MTUS2: variants seen among roughly 807,000 people sequenced by gnomAD.
The protein encoded by MTUS2 is microtubule-associated tumor suppressor candidate 2.
Under a neutral mutation model 114.1 loss-of-function variants are expected in MTUS2, and 40 were observed. The observed-to-expected ratio is 0.35, with a 90% CI of 0.27 to 0.46. The LOEUF (loss-of-function observed/expected upper bound fraction) is 0.46, where lower values mean the gene tolerates loss of function less well. Among genes scored for constraint, MTUS2 ranks in the 20% least tolerant of loss-of-function variants. MTUS2 has a pLI of 1.00. For synonymous variants in MTUS2, 688 were observed against 672.0 expected (o/e 1.02, Z -0.37); for missense variants, 1,679 against 1,705.4 (o/e 0.98, Z 0.27).
At chr13:29,436,885 C>A (rs1279186427) in intron 8 of MTUS2, among the ~76,000 whole-genome samples, 1 of 150,378 alleles carries the variant, frequency 6.6e-6, no homozygotes, top group African/African-American at 2.5e-5. Context: ...CCTAAAGCAA[C>A]AGATGGACAG....
rs180726145 is a variant in MTUS2, at chr13:29,372,168, G to A, written c.3117+12695G>A. On this transcript the variant is annotated intron_variant, in intron 8 of 15. Coordinates refer to ENST00000612955, the MANE Select transcript of MTUS2 (RefSeq NM_001033602.4). ...AGCTGGCTGGGGAAAGACTTCACGAGGGTCCCCTGCCTCCAAATCTAGTGT... is the reference window on the plus strand; with the variant it reads ...AGCTGGCTGGGGAAAGACTTCACGAAGGTCCCCTGCCTCCAAATCTAGTGT... 2.6e-5 allele frequency among the ~76,000 whole-genome samples: 4 copies of A among 151,180 alleles called. No homozygotes were observed. The Admixed American group carries it at 2.7e-4, about 10-fold the overall frequency.
chr13:28,841,824 T>C (rs1358692757), intron 2 of MTUS2, among the ~76,000 whole-genome samples: 1 of 152,100 alleles, frequency 6.6e-6, no homozygotes, highest in Non-Finnish European at 1.5e-5. Context: ...GCAGCTGGGA[T>C]TACAGATGCG....
At chr13:29,062,767 C>T (rs1473387118) in intron 4 of MTUS2, among the ~76,000 whole-genome samples, 3 of 152,090 alleles carry the variant, frequency 2.0e-5, no homozygotes, top group East Asian at 1.9e-4. Context: ...ACTGGACATG[C>T]AAGAAATACA....
intron 8 of MTUS2, among the ~76,000 whole-genome samples, chr13:29,425,812 AGTGCCCTCT>A (rs1348038930): frequency 2.0e-5 from 3 of 152,198 alleles, no homozygotes; most frequent in Non-Finnish European, 2.9e-5. Context: ...CGTGCCCTTC[AGTGCCCTCT>A]GTGCCCAAGA....
At chr13:29,233,536 A>T (rs1289167294) in intron 5 of MTUS2, among the ~76,000 whole-genome samples, 5 of 152,346 alleles carry the variant, frequency 3.3e-5, no homozygotes, top group Non-Finnish European at 7.3e-5. Context: ...TTTTATTACC[A>T]CTGGTAGTTA....
chr13:29,263,935 C>T (rs1243373612), intron 5 of MTUS2, among the ~76,000 whole-genome samples: 1 of 152,186 alleles, frequency 6.6e-6, no homozygotes, highest in Non-Finnish European at 1.5e-5. Context: ...ATATAATTAT[C>T]CCCTGCACAT....
At chr13:29,075,994 TACCTGGAA>T (rs1303629246) in intron 4 of MTUS2, among the ~76,000 whole-genome samples, 3 of 152,206 alleles carry the variant, frequency 2.0e-5, no homozygotes, top group Non-Finnish European at 4.4e-5. Flanking sequence ...TTCAAAACTC[TACCTGGAA>T]ATCTGGAAAT....
chr13:28,837,847 A>T (rs1321187182), intron 1 of MTUS2, among the ~76,000 whole-genome samples: 1 of 152,164 alleles, frequency 6.6e-6, no homozygotes, highest in Non-Finnish European at 1.5e-5. Context: ...AGTAGATCCA[A>T]ATATCTCTGT....
At chr13:29,053,793 A>G (rs371012995) in intron 4 of MTUS2, among the ~76,000 whole-genome samples, 73 of 152,278 alleles carry the variant, frequency 4.8e-4, no homozygotes, top group African/African-American at 1.6e-3. Context: ...ACATACCACA[A>G]TTTGATCATC....
At chr13:29,383,308 G>A (rs1444378145) in intron 8 of MTUS2, among the ~76,000 whole-genome samples, 2 of 149,038 alleles carry the variant, frequency 1.3e-5, no homozygotes, top group African/African-American at 5.0e-5. Context: ...AGCCATCTTA[G>A]TAAAAATCAT....
chr13:29,061,763 A>G (rs1406567404), intron 4 of MTUS2, among the ~76,000 whole-genome samples: 1 of 152,296 alleles, frequency 6.6e-6, no homozygotes, highest in East Asian at 1.9e-4. Context: ...TGGCTATTGT[A>G]TACTTTCTGA....
At chr13:29,133,794 C>G (rs1891862986) in intron 5 of MTUS2, among the ~76,000 whole-genome samples, 1 of 152,172 alleles carries the variant, frequency 6.6e-6, no homozygotes, top group Non-Finnish European at 1.5e-5. Context: ...TCTCCTCCAG[C>G]TAAATGTTAG....
chr13:29,102,311 A>C (rs1315439028), intron 5 of MTUS2, among the ~76,000 whole-genome samples: 1 of 152,232 alleles, frequency 6.6e-6, no homozygotes, highest in Non-Finnish European at 1.5e-5. Flanking sequence ...TATGAAGGAA[A>C]AACTTATCAT....
intron 13 of MTUS2, 22 bp from the exon 14 acceptor site, chr13:29,498,396 T>C: frequency 1.2e-6 from 2 of 1,613,602 alleles, no homozygotes; most frequent in Non-Finnish European, 1.7e-6. Context: ...GGTCAACAGC[T>C]CATGGCTCTC....
At chr13:28,969,231 A>T (rs958807064) in intron 2 of MTUS2, among the ~76,000 whole-genome samples, 11 of 152,114 alleles carry the variant, frequency 7.2e-5, no homozygotes, top group Admixed American at 2.0e-4. Flanking sequence ...TTGTAGAGAC[A>T]TGGTTGAACT....
At chr13:29,231,458 A>G (rs950017292) in intron 5 of MTUS2, among the ~76,000 whole-genome samples, 1 of 152,210 alleles carries the variant, frequency 6.6e-6, no homozygotes. Context: ...GTGATAGAAA[A>G]TGTCACAAAT....
chr13:29,389,467 GTA>G (rs67786926), intron 8 of MTUS2, among the ~76,000 whole-genome samples: 5,361 of 73,632 alleles, frequency 0.073, 572 homozygotes, highest in Non-Finnish European at 0.11. Flanking sequence ...GTGTGTATGT[GTA>G]TATGTATACA....
intron 2 of MTUS2, among the ~76,000 whole-genome samples, chr13:28,974,896 A>G (rs760247365): frequency 6.6e-6 from 1 of 152,222 alleles, no homozygotes; most frequent in Non-Finnish European, 1.5e-5. Flanking sequence ...AGTAGAATGA[A>G]TAATAAATGG....
At chr13:29,361,591 G>A (rs1870256545) in intron 8 of MTUS2, among the ~76,000 whole-genome samples, 2 of 152,178 alleles carry the variant, frequency 1.3e-5, no homozygotes, top group African/African-American at 4.8e-5. Flanking sequence ...ACCAGGAGGT[G>A]TGACATGGGG....
Sources: gnomAD v4.1 joint callset for allele counts (sites outside exome capture counted in the v4.1 genomes callset) on GRCh38, gnomAD v4.1.1 for gene constraint, MANE v1.5 for transcripts, NCBI Gene and HGNC (gene_info 2026-07-23, HGNC 2026-07-21) for gene names.